LAMB4: variants seen among roughly 807,000 people sequenced by gnomAD.
LAMB4 encodes laminin subunit beta 4.
LAMB4 carries 196 observed loss-of-function variants against 199.2 expected under a neutral mutation model. The ratio of observed to expected loss-of-function variants is 0.98; its 90% CI spans 0.88 to 1.11. The LOEUF (loss-of-function observed/expected upper bound fraction) is 1.11. Ranked by LOEUF, LAMB4 falls within the 50% of genes least tolerant of loss-of-function variation. The pLI is 0.00. For synonymous variants in LAMB4, 744 were observed against 770.6 expected, an observed-to-expected ratio of 0.97 and a Z score of 0.57; for missense variants, 2,080 against 2,171.2, an observed-to-expected ratio of 0.96 and a Z score of 0.83.
intron 25 of LAMB4, among the ~76,000 whole-genome samples, chr7:108,055,341 C>G (rs2035946160): frequency 6.6e-6 from 1 of 152,132 alleles, no homozygotes; most frequent in Admixed American, 6.5e-5. Flanking sequence ...TACCTGCCAC[C>G]ATGCCTGGCT....
At chr7:108,101,646 A>G (rs1417078422) in intron 10 of LAMB4, among the ~76,000 whole-genome samples, 1 of 152,188 alleles carries the variant, frequency 6.6e-6, no homozygotes, top group Non-Finnish European at 1.5e-5. Context: ...ATCAGGATGG[A>G]GTATTTCTGT....
chr7:108,059,427 C>G (rs1237279172), intron 23 of LAMB4, among the ~76,000 whole-genome samples: 1 of 152,154 alleles, frequency 6.6e-6, no homozygotes, highest in African/African-American at 2.4e-5. Flanking sequence ...TCCCAACCTG[C>G]CTTGGCTTCT....
intron 11 of LAMB4, among the ~76,000 whole-genome samples, chr7:108,097,635 A>G (rs1257003620): frequency 6.6e-6 from 1 of 152,148 alleles, no homozygotes; most frequent in African/African-American, 2.4e-5. Flanking sequence ...AATACAAAAA[A>G]TTAGCCGGGC....
At chr7:108,015,984 A>C in the LAMB4 span, among the ~76,000 whole-genome samples, 1 of 152,114 alleles carries the variant, frequency 6.6e-6, no homozygotes, top group Non-Finnish European at 1.5e-5. Flanking sequence ...CACATGTCTC[A>C]AATATTTGAC....
intron 18 of LAMB4, 84 bp downstream of exon 18, chr7:108,069,624 G>T: frequency 7.7e-7 from 1 of 1,292,910 alleles, no homozygotes. Flanking sequence ...TGTTTGGAGT[G>T]GATGCTAACA....
At position 108,104,564 on chromosome 7, in the gene LAMB4, C is replaced by T; in HGVS notation, c.926G>A (p.Cys309Tyr). 4 of 1,614,206 alleles carry T rather than the reference C, an allele frequency of 2.5e-6. No individual in the cohort carries two copies. The highest frequency in any genetic ancestry group is 2.5e-6 in the Non-Finnish European group (3 of 1,180,020). The part of the protein sequence containing the change: ...HNTDGPNCER[C>Y]KDFFQDAPWR... ...AGGAGCATCCTGGAAGAAGTCCTTG[C>T]ATCTCTCACAGTTCGGACCATCTGT... Residue 309 changes from cysteine to tyrosine, a missense_variant, in exon 9 of 34, where the codon TGC (cysteine) becomes TAC (tyrosine). Physicochemically the swap from Cys to Tyr is radical, Grantham distance 194 (BLOSUM62 -2). Transcript: ENST00000388781.
intron 30 of LAMB4, among the ~76,000 whole-genome samples, chr7:108,036,701 C>T (rs548545152): frequency 2.6e-5 from 4 of 152,094 alleles, no homozygotes; most frequent in African/African-American, 9.6e-5. Flanking sequence ...ACCCCATGCT[C>T]ATAAAAACAT....
chr7:108,037,082 T>A (rs1033193099), intron 30 of LAMB4, among the ~76,000 whole-genome samples: 1 of 152,020 alleles, frequency 6.6e-6, no homozygotes, highest in Admixed American at 6.6e-5. Context: ...TCCAACCACC[T>A]GTTAAAGTAT....
chr7:108,032,442 C>G (rs73726686), intron 31 of LAMB4, among the ~76,000 whole-genome samples: 4,467 of 151,904 alleles, frequency 0.029, 218 homozygotes, highest in African/African-American at 0.1. Context: ...CTTTACACGT[C>G]TGGGGGAAAT....
intron 9 of LAMB4, among the ~76,000 whole-genome samples, chr7:108,103,635 C>G (rs62468035): frequency 6.6e-6 from 1 of 152,090 alleles, no homozygotes. Flanking sequence ...CTAGAGAAGA[C>G]GGCAGAGGAA....
chr7:108,044,167 C>T, intron 28 of LAMB4: 1 of 279,144 alleles, frequency 3.6e-6, no homozygotes, highest in Non-Finnish European at 6.5e-6. Context: ...AAGTCTAAAA[C>T]ACAAATTTTG....
chr7:108,057,759 G>T, intron 24 of LAMB4, 73 bp downstream of exon 24: 1 of 896,470 alleles, frequency 1.1e-6, no homozygotes, highest in Non-Finnish European at 1.8e-6. Flanking sequence ...TTAAAATTCA[G>T]TTGGTTCATA....
At chr7:108,038,062 T>C (rs533445459) in intron 29 of LAMB4, among the ~76,000 whole-genome samples, 1 of 152,306 alleles carries the variant, frequency 6.6e-6, no homozygotes. Flanking sequence ...ATCTATGTAA[T>C]TGGGTAACTA....
At position 108,055,699 on chromosome 7, in the gene LAMB4, T is replaced by C. The variant is rs2035958960; in HGVS notation, c.3688A>G (p.Ile1230Val). Residue 1230 changes from isoleucine to valine, a missense_variant, in exon 25 of 34, where the codon ATT becomes GTT. Transcript: ENST00000388781. ...LRGNVSEIER[I>V]LKHPVFPSGK... ...GATGGGAAAACAGGATGTTTCAAAA[T>C]CCTTTCTATTTCAGACACGTTCCCT... is the stretch of plus-strand genomic sequence containing the variant. The C allele has an allele frequency of 1.2e-6, 2 of 1,614,118 alleles. No individual in the cohort carries two copies. Among genetic ancestry groups the C allele is most frequent in the South Asian group, 2.2e-5 (2 of 91,080 alleles).
At position 108,049,405 on chromosome 7, in the gene LAMB4, G is replaced by A; in HGVS notation, c.4043C>T (p.Thr1348Ile). The change falls in exon 27 of 34, where the codon ACA becomes ATA. Residue 1348 changes from threonine (T) to isoleucine (I), a missense_variant. Coordinates refer to ENST00000388781, the MANE Select transcript of LAMB4 (RefSeq NM_007356.3). ...TRNDLLTILD[T>I]LTSKGNLSLE... ...TGACAAGTTTCCTTTTGAGGTTAGT[G>A]TATCTAAGATGGTAAGTAAGTCATT... 6.3e-7 allele frequency: 1 copy of A among 1,592,944 alleles called. No individual in the cohort carries two copies. The highest frequency in any genetic ancestry group is 8.6e-7 in the Non-Finnish European group (1 of 1,162,542).
intron 29 of LAMB4, among the ~76,000 whole-genome samples, chr7:108,042,076 G>C (rs1443370825): frequency 6.6e-6 from 1 of 152,062 alleles, no homozygotes; most frequent in Non-Finnish European, 1.5e-5. Flanking sequence ...GGTCAAACAA[G>C]AGCTGAATAG....
chr7:108,112,465 G>A (rs570289680), intron 3 of LAMB4, among the ~76,000 whole-genome samples: 2 of 150,430 alleles, frequency 1.3e-5, no homozygotes, highest in Admixed American at 6.7e-5. Flanking sequence ...CTATTTTTTT[G>A]TATTTTTATT....
chr7:108,044,260 G>A (rs73424724), intron 28 of LAMB4: 14,574 of 165,052 alleles, frequency 0.088, 2,303 homozygotes, highest in African/African-American at 0.33. Context: ...TGGTCATCAC[G>A]TTTAATAGGT....
intron 23 of LAMB4, among the ~76,000 whole-genome samples, chr7:108,058,676 G>A (rs1285413135): frequency 1.3e-5 from 2 of 152,122 alleles, no homozygotes; most frequent in Admixed American, 1.3e-4. Flanking sequence ...TTTATTTTGA[G>A]ACGGAGTCTC....
Sources: gnomAD v4.1 joint callset for allele counts (sites outside exome capture counted in the v4.1 genomes callset) on GRCh38, gnomAD v4.1.1 for gene constraint, MANE v1.5 for transcripts, NCBI Gene and HGNC (gene_info 2026-07-23, HGNC 2026-07-21) for gene names.